Variants in CADM2 observed in about 807,000 individuals in gnomAD.
CADM2 encodes the protein immunoglobulin superfamily member 4D.
In CADM2, 12 loss-of-function variants were observed where a neutral mutation model predicts 49.8. The ratio of observed to expected loss-of-function variants is 0.24; its 90% CI spans 0.15 to 0.39. CADM2 has a LOEUF of 0.39. Among genes scored for constraint, CADM2 ranks in the 10% least tolerant of loss-of-function variants. The probability of loss-of-function intolerance (pLI) is 1.00; values close to 1 mark genes in which losing one functional copy is unlikely to be tolerated. For missense variants in CADM2, 378 were observed against 492.3 expected (o/e 0.77, Z 2.20); for synonymous variants, 214 against 175.4 (o/e 1.22, Z -1.74).
intron 1 of CADM2, among the ~76,000 whole-genome samples, chr3:85,497,254 CAT>C (rs2039944520): frequency 6.6e-6 from 1 of 152,046 alleles, no homozygotes; most frequent in African/African-American, 2.4e-5. Flanking sequence ...TTCTCAGGTA[CAT>C]ATATGTGTGT....
chr3:85,075,265 A>T (rs2036901400), intron 1 of CADM2, among the ~76,000 whole-genome samples: 1 of 152,028 alleles, frequency 6.6e-6, no homozygotes, highest in Admixed American at 6.6e-5. Flanking sequence ...CTAAAACATA[A>T]TTTGAACCAA....
chr3:85,459,815 G>A (rs768898545), intron 1 of CADM2, among the ~76,000 whole-genome samples: 10 of 152,154 alleles, frequency 6.6e-5, no homozygotes, highest in Non-Finnish European at 1.3e-4. Context: ...TTTTGATTGT[G>A]GATGCCATTC....
At chr3:86,009,217 GTA>G (rs1553722325) in intron 8 of CADM2, among the ~76,000 whole-genome samples, 3 of 145,116 alleles carry the variant, frequency 2.1e-5, no homozygotes, top group Admixed American at 1.4e-4. Flanking sequence ...GTATGTGTGT[GTA>G]TATATATATA....
At chr3:85,652,772 C>CTTTCTTTTTTTTTTTTTTTTTT (rs2065083763) in intron 1 of CADM2, among the ~76,000 whole-genome samples, 2 of 50,782 alleles carry the variant, frequency 3.9e-5, no homozygotes, top group Non-Finnish European at 3.5e-5. Context: ...TTTTTCTTTT[C>CTTTCTTTTTTTTTTTTTTTTTT]TTTTTTTTTT....
intron 1 of CADM2, among the ~76,000 whole-genome samples, chr3:85,460,973 G>A (rs911263723): frequency 2.6e-5 from 4 of 152,040 alleles, no homozygotes; most frequent in African/African-American, 7.3e-5. Flanking sequence ...AACGAAGAGG[G>A]AAAATCTTGT....
At chr3:85,203,568 T>A (rs1327009599) in intron 1 of CADM2, among the ~76,000 whole-genome samples, 1 of 152,102 alleles carries the variant, frequency 6.6e-6, no homozygotes, top group African/African-American at 2.4e-5. Context: ...ACATTTGAAA[T>A]ACTGTGAAAA....
rs562459396 is a variant in CADM2, at chr3:85,888,138, C to T, written c.529+1811C>T. On this transcript the variant is annotated intron_variant, in intron 5 of 9. Transcript: ENST00000383699. ...ATTAATTAGTTGTTTACTCAGTTCT[C>T]ACTTTCTTAGTATTTTATTTATGTT... Among the ~76,000 whole-genome samples, 4 of 152,252 alleles carry T rather than the reference C, an allele frequency of 2.6e-5. No homozygotes were observed. The East Asian group carries it at 7.7e-4, about 29-fold the overall frequency.
At chr3:85,306,926 A>G (rs1048214280) in intron 1 of CADM2, among the ~76,000 whole-genome samples, 4 of 151,664 alleles carry the variant, frequency 2.6e-5, no homozygotes, top group Admixed American at 2.6e-4. Flanking sequence ...TAGTGCATCA[A>G]CATCCCTTAT....
chr3:85,771,795 A>G lies in CADM2; in HGVS notation c.89-30252A>G, dbSNP rs187835547. 3.1e-3 allele frequency among the ~76,000 whole-genome samples: 466 copies of G among 152,178 alleles called. 2 individuals carry two copies. Among genetic ancestry groups the G allele is most frequent in the African/African-American group, 0.011 (442 of 41,556 alleles). ...TGAAATATGTTTTTCTTCAAGTTCC[A>G]TCTCTCTAGATGGCCGATCTATAAT... On this transcript the variant is annotated intron_variant, in intron 2 of 9. Coordinates refer to ENST00000383699, the MANE Select transcript of CADM2 (RefSeq NM_001167675.2).
intron 8 of CADM2, among the ~76,000 whole-genome samples, chr3:85,972,441 C>T (rs907998812): frequency 2.6e-5 from 4 of 151,644 alleles, no homozygotes; most frequent in African/African-American, 9.7e-5. Flanking sequence ...CTTTATCATC[C>T]TGGGACCACC....
chr3:85,469,820 T>C (rs1247248005), intron 1 of CADM2, among the ~76,000 whole-genome samples: 2 of 152,192 alleles, frequency 1.3e-5, no homozygotes, highest in Non-Finnish European at 2.9e-5. Context: ...CACAAAAGTG[T>C]TGCAGGTGCC....
chr3:85,068,253 AATCT>A (rs1027984046), intron 1 of CADM2, among the ~76,000 whole-genome samples: 1 of 152,104 alleles, frequency 6.6e-6, no homozygotes, highest in African/African-American at 2.4e-5. Context: ...AACATTCATC[AATCT>A]ATCTGTTAGT....
intron 3 of CADM2, among the ~76,000 whole-genome samples, chr3:85,873,007 G>A (rs1177552271): frequency 6.6e-6 from 1 of 152,156 alleles, no homozygotes; most frequent in African/African-American, 2.4e-5. Context: ...CATGGTTCTG[G>A]AGGCTGAAGT....
At chr3:85,581,282 A>C (rs1576857949) in intron 1 of CADM2, among the ~76,000 whole-genome samples, 2 of 152,104 alleles carry the variant, frequency 1.3e-5, no homozygotes, top group East Asian at 3.9e-4. Flanking sequence ...TCTATGCATA[A>C]ATATTTATGA....
intron 1 of CADM2, among the ~76,000 whole-genome samples, chr3:85,039,891 T>C (rs541757654): frequency 2.0e-5 from 3 of 152,258 alleles, no homozygotes; most frequent in South Asian, 4.1e-4. Context: ...CACCCAGCAA[T>C]AGTTTCAGCA....
chr3:85,693,723 C>CAAAAAAA lies in CADM2; in HGVS notation c.62-32782_62-32776dup, dbSNP rs397807084. 2.3e-4 allele frequency among the ~76,000 whole-genome samples: 15 copies of CAAAAAAA among 66,552 alleles called. 1 individual carries two copies. The highest frequency in any genetic ancestry group is 3.9e-4 in the Non-Finnish European group (14 of 35,806). 43.7% of individuals were successfully genotyped at this position (66,552 alleles called of 152,430 possible). ...CAACATGGTAAAACCACGTATCTACCAAAAAAAAAAAAAAAAAAAAAAATT... is the reference window on the plus strand; with the variant it reads ...CAACATGGTAAAACCACGTATCTACCAAAAAAAAAAAAAAAAAAAAAAAAAAAAAATT... On this transcript the variant is annotated intron_variant, in intron 1 of 9. Coordinates refer to ENST00000383699, the MANE Select transcript of CADM2 (RefSeq NM_001167675.2).
chr3:85,214,311 G>A (rs1482961673), intron 1 of CADM2, among the ~76,000 whole-genome samples: 1 of 152,074 alleles, frequency 6.6e-6, no homozygotes, highest in Non-Finnish European at 1.5e-5. Flanking sequence ...TCTTTGCTGA[G>A]CTGCCTAGAG....
At chr3:86,054,569 AT>A (rs1467956741) in intron 8 of CADM2, among the ~76,000 whole-genome samples, 1 of 152,132 alleles carries the variant, frequency 6.6e-6, no homozygotes, top group Non-Finnish European at 1.5e-5. Context: ...ACAGCCTGAA[AT>A]TTTAGAATAA....
At chr3:85,855,514 A>G (rs1281655386) in intron 3 of CADM2, among the ~76,000 whole-genome samples, 1 of 149,966 alleles carries the variant, frequency 6.7e-6, no homozygotes, top group Non-Finnish European at 1.5e-5. Context: ...TTTACAAAGT[A>G]TTATTTATTT....
Sources: gnomAD v4.1 joint callset for allele counts (sites outside exome capture counted in the v4.1 genomes callset) on GRCh38, gnomAD v4.1.1 for gene constraint, MANE v1.5 for transcripts, NCBI Gene and HGNC (gene_info 2026-07-23, HGNC 2026-07-21) for gene names.